Variants in MAST3 observed in about 807,000 individuals in gnomAD.
The protein encoded by MAST3 is microtubule-associated serine/threonine-protein kinase 3.
MAST3 carries 43 observed loss-of-function variants against 127.0 expected under a neutral mutation model. The ratio of observed to expected loss-of-function variants is 0.34; its 90% CI spans 0.27 to 0.44. MAST3 has a LOEUF of 0.44. Among genes scored for constraint, MAST3 ranks in the 20% least tolerant of loss-of-function variants. MAST3 has a pLI of 1.00. For synonymous variants in MAST3, 785 were observed against 809.2 expected, an observed-to-expected ratio of 0.97 and a Z score of 0.51; for missense variants, 1,390 against 1,919.1, an observed-to-expected ratio of 0.72 and a Z score of 5.15.
rs746711033 is a variant in MAST3, at chr19:18,137,370, G to A, written c.2095+9G>A. 1.2e-6 allele frequency: 2 copies of A among 1,611,710 alleles called. No homozygotes were observed. The highest frequency in any genetic ancestry group is 3.3e-5 in the Admixed American group (2 of 59,910). On this transcript the variant is annotated intron_variant, in intron 19 of 27. Transcript: ENST00000687212. ...TACCAGCTACTTTGACAGTAAGGAGGGATCCCCCTGGAGGGGGGGCGGGGG... is the reference window on the plus strand; with the variant it reads ...TACCAGCTACTTTGACAGTAAGGAGAGATCCCCCTGGAGGGGGGGCGGGGG...
chr19:18,102,481 C>CTT (rs147386221), intron 1 of MAST3, among the ~76,000 whole-genome samples: 9 of 131,718 alleles, frequency 6.8e-5, no homozygotes, highest in Non-Finnish European at 9.9e-5. Flanking sequence ...GCCCGGCCAC[C>CTT]TTTTTTTTTT....
intron 6 of MAST3, 35 bp downstream of exon 6, chr19:18,122,786 A>G (rs1230129737): frequency 1.1e-5 from 17 of 1,598,058 alleles, no homozygotes; most frequent in Non-Finnish European, 1.5e-5. Context: ...GTGGACAGGC[A>G]GATGCCGGGT....
chr19:18,110,844 G>A lies in MAST3; in HGVS notation c.161+103G>A. On this transcript the variant is annotated intron_variant, in intron 3 of 27. Transcript: ENST00000687212. The surrounding 1 kb of genome is among the most constrained non-coding windows in gnomAD (Gnocchi z 4.3). ...GGTCTCCTCAAGATACTGCAGGTTG[G>A]TGACATCACCTCTCTGGGCCTCAGT... 1 of 416,422 alleles carries A rather than the reference G, an allele frequency of 2.4e-6. No homozygotes were observed. Among genetic ancestry groups the A allele is most frequent in the Non-Finnish European group, 3.2e-6 (1 of 309,630 alleles). 25.8% of individuals were successfully genotyped at this position (416,422 alleles called of 1,614,324 possible).
In MAST3 at chr19:18,144,523, A is replaced by G; in HGVS notation, c.2642A>G (p.His881Arg). The change falls in exon 23 of 28, where the codon CAC becomes CGC. Residue 881 changes from histidine to arginine, a missense_variant. Around this residue, in one of 5 missense-constraint regions of MAST3, gnomAD observed 816 missense variants for 934.1 expected, o/e 0.87. Coordinates refer to ENST00000687212, the MANE Select transcript of MAST3 (RefSeq NM_001393504.1). The surrounding 1 kb of genome is among the most constrained non-coding windows in gnomAD (Gnocchi z 4.0). ...RLRSNSIGAR[H>R]STPRPLDAGR... Reference sequence around the variant, plus strand: ...CGGAGCAATAGCATCGGCGCCCGACACTCCACACCAAGGCCTCTGGATGCC... The same window carrying G: ...CGGAGCAATAGCATCGGCGCCCGACGCTCCACACCAAGGCCTCTGGATGCC... The G allele has an allele frequency of 1.2e-6, 2 of 1,609,858 alleles. No individual in the cohort carries two copies. Among genetic ancestry groups the G allele is most frequent in the Non-Finnish European group, 1.7e-6 (2 of 1,179,230 alleles).
chr19:18,137,390 C>CG (rs1406226456), intron 19 of MAST3, 29 bp downstream of exon 19: 1 of 1,601,858 alleles, frequency 6.2e-7, no homozygotes, highest in East Asian at 2.2e-5. Flanking sequence ...GGAGGGGGGG[C>CG]GGGGGGTGCT....
chr19:18,106,503 C>T (rs2038076516), intron 1 of MAST3, among the ~76,000 whole-genome samples: 1 of 151,852 alleles, frequency 6.6e-6, no homozygotes, highest in Non-Finnish European at 1.5e-5. Context: ...TCCCAAAGTA[C>T]TGGGATTACA....
chr19:18,147,097 T>C, intron 26 of MAST3, 53 bp downstream of exon 26: 1 of 1,246,170 alleles, frequency 8.0e-7, no homozygotes, highest in Non-Finnish European at 1.0e-6. Flanking sequence ...CTTTTCTTTT[T>C]CCTTTTTTTT....
Position 18,137,488 on chromosome 19 carries a change from G to A in MAST3, c.2095+127G>A, listed in dbSNP as rs183519292. The A allele has an allele frequency of 1.3e-4, 136 of 1,054,622 alleles. No individual in the cohort carries two copies. The East Asian group carries it at 2.1e-3, about 16-fold the overall frequency. The allele number at this position is 1,054,622 out of a possible 1,614,324, so 65.3% of individuals were successfully genotyped here. A position where few individuals can be genotyped will look rare whatever the true frequency, so the allele number is the denominator to read the frequency against. ...ACCTCACCTTAGGCCTGGAGCTTCC[G>A]ACTTCCTGAGCCTTCCAAGAATCTA... On this transcript the variant is annotated intron_variant, in intron 19 of 27. Transcript: ENST00000687212.
intron 21 of MAST3, 140 bp from the exon 22 acceptor site, chr19:18,143,623 T>C: frequency 9.6e-7 from 1 of 1,039,002 alleles, no homozygotes; most frequent in African/African-American, 1.6e-5. Context: ...GAGAGGACAG[T>C]GCAGACAGAA....
At position 18,144,939 on chromosome 19, in the gene MAST3, G is replaced by A; in HGVS notation, c.2813-64G>A. 1.0e-6 allele frequency: 1 copy of A among 970,960 alleles called. No homozygotes were observed. Among genetic ancestry groups the A allele is most frequent in the Admixed American group, 1.9e-5 (1 of 51,468 alleles). 60.1% of individuals were successfully genotyped at this position (970,960 alleles called of 1,614,324 possible). On this transcript the variant is annotated intron_variant, in intron 23 of 27. Transcript: ENST00000687212. The surrounding 1 kb of genome is among the most constrained non-coding windows in gnomAD (Gnocchi z 4.0). ...GTGGCCAGGGTGGTCGTTGTGGTGG[G>A]AAAGAGGGGGCCCCAGGGGAGACCT... is the stretch of plus-strand genomic sequence containing the variant.
intron 1 of MAST3, among the ~76,000 whole-genome samples, chr19:18,100,128 C>CTCTCTCTCTTTTTTT (rs776661078): frequency 2.5e-5 from 3 of 121,718 alleles, no homozygotes; most frequent in African/African-American, 8.4e-5. Flanking sequence ...CTCTCTCTCT[C>CTCTCTCTCTTTTTTT]TTTTTTTTTT....
chr19:18,124,507 G>A (rs2040365909), intron 10 of MAST3, 135 bp from the exon 11 acceptor site: 1 of 1,359,326 alleles, frequency 7.4e-7, no homozygotes, highest in Admixed American at 2.1e-5. Flanking sequence ...GCTAGCGTGG[G>A]CTTCCCTAAG....
intron 1 of MAST3, among the ~76,000 whole-genome samples, chr19:18,098,470 T>C (rs2146708181): frequency 6.6e-6 from 1 of 151,984 alleles, no homozygotes; most frequent in African/African-American, 2.4e-5. Context: ...GCCTCAGTTT[T>C]CCAATGAGCC....
chr19:18,138,187 G>A lies in MAST3; in HGVS notation c.2095+826G>A, dbSNP rs1397304314. Among the ~76,000 whole-genome samples the A allele has an allele frequency of 1.0e-4, 14 of 138,766 alleles. No homozygotes were observed. The South Asian group carries it at 1.7e-3, about 17-fold the overall frequency. The allele number at this position is 138,766 out of a possible 152,430, so 91.0% of individuals were successfully genotyped here. A position where few individuals can be genotyped will look rare whatever the true frequency, so the allele number is the denominator to read the frequency against. Reference sequence around the variant, plus strand: ...ATGGCACTATTGCACTCCAGCTTGCGCAACAAGAGCAAAACTGCCTGAAAA... The same window carrying A: ...ATGGCACTATTGCACTCCAGCTTGCACAACAAGAGCAAAACTGCCTGAAAA... On this transcript the variant is annotated intron_variant, in intron 19 of 27. Transcript: ENST00000687212.
intron 21 of MAST3, among the ~76,000 whole-genome samples, chr19:18,143,534 C>T (rs572221830): frequency 3.3e-5 from 5 of 152,212 alleles, no homozygotes; most frequent in African/African-American, 7.2e-5. Context: ...TGAGATTGCA[C>T]CACTGCACTT....
intron 27 of MAST3, among the ~76,000 whole-genome samples, chr19:18,148,844 A>C (rs568472026): frequency 4.6e-5 from 7 of 151,984 alleles, no homozygotes; most frequent in African/African-American, 1.7e-4. Flanking sequence ...TGAAGGTTGC[A>C]GTGAGCCAAG....
chr19:18,137,786 C>T (rs1020932693), intron 19 of MAST3, among the ~76,000 whole-genome samples: 3 of 152,214 alleles, frequency 2.0e-5, no homozygotes, highest in Admixed American at 6.5e-5. Context: ...GACTCTCTCT[C>T]TCCCCACTTG....
intron 1 of MAST3, among the ~76,000 whole-genome samples, chr19:18,106,153 T>C (rs530933225): frequency 8.3e-4 from 127 of 152,224 alleles, no homozygotes; most frequent in East Asian, 5.0e-3. Flanking sequence ...AATGGTATTA[T>C]CATAGTTCAC....
At chr19:18,117,354 A>G (rs1262581489) in intron 3 of MAST3, among the ~76,000 whole-genome samples, 1 of 152,074 alleles carries the variant, frequency 6.6e-6, no homozygotes, top group Non-Finnish European at 1.5e-5. Context: ...AGTTGAGGAG[A>G]CTGAGGCTGG....
Sources: allele counts gnomAD v4.1 joint callset (sites outside exome capture counted in the v4.1 genomes callset), GRCh38; gene constraint gnomAD v4.1.1; regional missense constraint gnomAD v4.1.1; non-coding constraint Gnocchi (gnomAD v3.1); transcripts MANE v1.5; gene names NCBI Gene and HGNC (gene_info 2026-07-23, HGNC 2026-07-21).